Variants in MAP3K2 observed in about 807,000 individuals in gnomAD.
MAP3K2 encodes the protein mitogen-activated protein kinase kinase kinase 2.
A neutral mutation model predicts 80.3 loss-of-function variants in MAP3K2; 24 were observed. The observed-to-expected ratio is 0.30, with a 90% confidence interval of 0.22 to 0.42. MAP3K2 has a LOEUF of 0.42. Ranked by LOEUF, MAP3K2 falls within the 10% of genes least tolerant of loss-of-function variation. The pLI is 1.00. For synonymous variants in MAP3K2, 244 were observed against 253.7 expected, an observed-to-expected ratio of 0.96 and a Z score of 0.36; for missense variants, 608 against 750.1, an observed-to-expected ratio of 0.81 and a Z score of 2.21.
In MAP3K2 at chr2:127,375,414, A is replaced by ATT. The variant is rs775429874; in HGVS notation, c.-66+12036_-66+12037dup. 9.5e-3 allele frequency among the ~76,000 whole-genome samples: 1,170 copies of ATT among 123,142 alleles called. 21 individuals are homozygous for ATT. The highest frequency in any genetic ancestry group is 0.032 in the African/African-American group (1,111 of 34,480). 80.8% of individuals were successfully genotyped at this position (123,142 alleles called of 152,430 possible). On this transcript the variant is annotated intron_variant, in intron 1 of 16. Coordinates refer to ENST00000682094, the MANE Select transcript of MAP3K2 (RefSeq NM_001371910.2). The stretch of plus-strand genomic sequence containing the variant: ...ATGCTTTATTATTATTTATTTATTT[A>ATT]TTTATTTTTTTTTTGAGACAGAGTC...
chr2:127,326,561 G>C, intron 8 of MAP3K2, 126 bp downstream of exon 8: 2 of 585,334 alleles, frequency 3.4e-6, no homozygotes, highest in Non-Finnish European at 5.2e-6. Flanking sequence ...TTTCTATTTT[G>C]TTCAGTTAAG....
At chr2:127,341,107 A>T (rs1686474046) in intron 2 of MAP3K2, among the ~76,000 whole-genome samples, 1 of 151,762 alleles carries the variant, frequency 6.6e-6, no homozygotes, top group Non-Finnish European at 1.5e-5. Flanking sequence ...CTCCTGCCTC[A>T]GCCTCCCGAG....
At chr2:127,351,869 T>C (rs976733330) in intron 1 of MAP3K2, among the ~76,000 whole-genome samples, 5 of 151,818 alleles carry the variant, frequency 3.3e-5, no homozygotes, top group Non-Finnish European at 7.4e-5. Context: ...TACTTCTTGT[T>C]TTTTTGTGTT....
At chr2:127,330,266 T>C in intron 6 of MAP3K2, 126 bp downstream of exon 6, 1 of 596,068 alleles carries the variant, frequency 1.7e-6, no homozygotes, top group East Asian at 2.9e-5. Context: ...AATTAAAGGA[T>C]GTAAGTTTAC....
Position 127,307,429 on chromosome 2 carries a change from C to A in MAP3K2, c.*150G>T. ...AATTTAGGATATTATTATTATTAAACAAATTTAACCAAGAATCAAGAGAAA... is the reference window on the plus strand; with the variant it reads ...AATTTAGGATATTATTATTATTAAAAAAATTTAACCAAGAATCAAGAGAAA... On this transcript the variant is annotated 3_prime_UTR_variant, in exon 17 of 17. Coordinates refer to ENST00000682094, the MANE Select transcript of MAP3K2 (RefSeq NM_001371910.2). This position sits in a 1 kb window ranked among gnomAD's most constrained non-coding sequence, Gnocchi z 5.4. 2.3e-6 allele frequency: 1 copy of A among 439,066 alleles called. No homozygotes were observed. The highest frequency in any genetic ancestry group is 3.5e-5 in the East Asian group (1 of 28,630). 27.2% of individuals were successfully genotyped at this position (439,066 alleles called of 1,614,324 possible). A position where few individuals can be genotyped will look rare whatever the true frequency, so the allele number is the denominator to read the frequency against.
rs953713895 is a variant in MAP3K2 at position 127,310,694 on chromosome 2, T to C, written c.1457-1932A>G. 1.6e-4 allele frequency among the ~76,000 whole-genome samples: 24 copies of C among 152,214 alleles called. 1 individual carries two copies. The highest frequency in any genetic ancestry group is 1.3e-3 in the Admixed American group (20 of 15,280). On this transcript the variant is annotated intron_variant, in intron 15 of 16. Coordinates refer to ENST00000682094, the MANE Select transcript of MAP3K2 (RefSeq NM_001371910.2). The surrounding 1 kb of genome is among the most constrained non-coding windows in gnomAD (Gnocchi z 4.8). Reference sequence around the variant, plus strand: ...AACCAAGCTTGGGCACTAGGCTCACTTGTTTTTTATTCTCTATTTTCACTC... The same window carrying C: ...AACCAAGCTTGGGCACTAGGCTCACCTGTTTTTTATTCTCTATTTTCACTC...
Position 127,321,766 on chromosome 2 carries a change from G to C in MAP3K2, c.1045+280C>G, listed in dbSNP as rs1205763209. ...CTTGGAGATTATGTTTGAAATCTCA[G>C]TGGTAGGCATTCAACAAGGATATGT... On this transcript the variant is annotated intron_variant, in intron 12 of 16. Transcript: ENST00000682094. The surrounding 1 kb of genome is among the most constrained non-coding windows in gnomAD (Gnocchi z 4.4). 2.6e-5 allele frequency among the ~76,000 whole-genome samples: 4 copies of C among 152,186 alleles called. No homozygotes were observed. Among genetic ancestry groups the C allele is most frequent in the Non-Finnish European group, 5.9e-5 (4 of 68,040 alleles).
intron 1 of MAP3K2, among the ~76,000 whole-genome samples, chr2:127,366,318 T>G (rs1207801226): frequency 2.7e-5 from 4 of 148,132 alleles, no homozygotes; most frequent in African/African-American, 7.5e-5. Context: ...GAGGCTGAGG[T>G]GGGAGGATCC....
chr2:127,325,931 G>T, intron 8 of MAP3K2, 124 bp from the exon 9 acceptor site: 1 of 657,828 alleles, frequency 1.5e-6, no homozygotes, highest in Non-Finnish European at 2.7e-6. Context: ...AAGTATACAA[G>T]TCAAGGCTTT....
chr2:127,311,331 T>C (rs1048407176), intron 15 of MAP3K2, among the ~76,000 whole-genome samples: 2 of 152,122 alleles, frequency 1.3e-5, no homozygotes, highest in Non-Finnish European at 2.9e-5. Context: ...ACAAAGCCCA[T>C]TTTTTACTGG....
Position 127,304,809 on chromosome 2 carries a change from C to CT in MAP3K2, c.*2769dup, listed in dbSNP as rs1217587632. 6.6e-6 allele frequency: 1 copy of CT among 152,352 alleles called. No homozygotes were observed. The highest frequency in any genetic ancestry group is 2.4e-5 in the African/African-American group (1 of 41,386). 9.4% of individuals were successfully genotyped at this position (152,352 alleles called of 1,614,324 possible). ...TACCCTCCACCCCCACACCTTCAAG[C>CT]TTTTTTGTTCTAGTAGTTTTTATAT... On this transcript the variant is annotated 3_prime_UTR_variant, in exon 17 of 17. Transcript: ENST00000682094.
At chr2:127,351,162 A>G (rs1686685273) in intron 1 of MAP3K2, among the ~76,000 whole-genome samples, 1 of 152,146 alleles carries the variant, frequency 6.6e-6, no homozygotes, top group Admixed American at 6.5e-5. Context: ...TGATTGAATT[A>G]TTTTCCTAAA....
intron 1 of MAP3K2, among the ~76,000 whole-genome samples, chr2:127,376,615 C>G (rs530589486): frequency 1.3e-5 from 2 of 152,258 alleles, no homozygotes; most frequent in African/African-American, 4.8e-5. Flanking sequence ...AAGTGGGACC[C>G]AAAGTAAGGA....
intron 1 of MAP3K2, among the ~76,000 whole-genome samples, chr2:127,346,915 G>A (rs1686605242): frequency 6.6e-6 from 1 of 152,076 alleles, no homozygotes; most frequent in Non-Finnish European, 1.5e-5. Context: ...TTGAACCTGG[G>A]AGGCAGAGGT....
intron 10 of MAP3K2, 60 bp downstream of exon 10, chr2:127,324,114 C>T: frequency 8.1e-7 from 1 of 1,240,328 alleles, no homozygotes; most frequent in Non-Finnish European, 1.1e-6. Context: ...CTCTCCCTCC[C>T]AGCCAAAACA....
chr2:127,330,183 G>GT (rs1686224743), intron 6 of MAP3K2, among the ~76,000 whole-genome samples, 175 bp from the exon 7 acceptor site: 1 of 151,942 alleles, frequency 6.6e-6, no homozygotes, highest in South Asian at 2.1e-4. Flanking sequence ...TATTAGCTTC[G>GT]TATGTACAAC....
At chr2:127,347,853 T>C (rs1465598321) in intron 1 of MAP3K2, among the ~76,000 whole-genome samples, 1 of 151,808 alleles carries the variant, frequency 6.6e-6, no homozygotes, top group African/African-American at 2.4e-5. Context: ...AAAATCAAAA[T>C]GACATACTAC....
At chr2:127,344,315 A>G (rs961610327) in intron 1 of MAP3K2, among the ~76,000 whole-genome samples, 1 of 152,116 alleles carries the variant, frequency 6.6e-6, no homozygotes, top group African/African-American at 2.4e-5. Context: ...AGAGGCCTAC[A>G]AGGGTAATAA....
At chr2:127,381,247 T>C (rs1188338515) in intron 1 of MAP3K2, among the ~76,000 whole-genome samples, 3 of 152,174 alleles carry the variant, frequency 2.0e-5, no homozygotes, top group Non-Finnish European at 4.4e-5. Context: ...CATCAGAAAA[T>C]AGACAATTTT....
Sources: gnomAD v4.1 joint callset for allele counts (sites outside exome capture counted in the v4.1 genomes callset) on GRCh38, gnomAD v4.1.1 for gene constraint, Gnocchi (gnomAD v3.1) non-coding constraint, MANE v1.5 for transcripts, NCBI Gene and HGNC (gene_info 2026-07-23, HGNC 2026-07-21) for gene names.